Variants in COTL1 observed in about 807,000 individuals in gnomAD.
COTL1 encodes coactosin-like protein.
COTL1 carries 15 observed loss-of-function variants against 16.5 expected under a neutral mutation model. The ratio of observed to expected loss-of-function variants is 0.91; its 90% CI spans 0.61 to 1.40. The LOEUF (loss-of-function observed/expected upper bound fraction) is 1.40, where lower values mean the gene tolerates loss of function less well. COTL1 is among the 40% of genes most tolerant of loss of function. The pLI, the probability that COTL1 is intolerant of heterozygous loss-of-function variation, is 0.00. For missense variants in COTL1, 220 were observed against 201.5 expected (o/e 1.09, Z -0.56); for synonymous variants, 112 against 85.3 (o/e 1.31, Z -1.73).
In COTL1 at chr16:84,590,082, C is replaced by T; in HGVS notation, c.318+23G>A. ...GTGACCCTTGGCGAGCTTTGACCTC[C>T]AGACTCTGGAGGAACTCAGTACCTG... On this transcript the variant is annotated intron_variant, in intron 3 of 3. Transcript: ENST00000262428. The surrounding 1 kb of genome is among the most constrained non-coding windows in gnomAD (Gnocchi z 5.5). 6.3e-7 allele frequency: 1 copy of T among 1,597,006 alleles called. No homozygotes were observed. Among genetic ancestry groups the T allele is most frequent in the Non-Finnish European group, 8.6e-7 (1 of 1,166,842 alleles).
In COTL1 at chr16:84,590,121, A is replaced by G. The variant is rs747786641; in HGVS notation, c.302T>C (p.Val101Ala). The G allele has an allele frequency of 6.2e-7, 1 of 1,613,644 alleles. No individual in the cohort carries two copies. Among genetic ancestry groups the G allele is most frequent in the Admixed American group, 1.7e-5 (1 of 59,980 alleles). The change falls in exon 3 of 4, where the codon GTG becomes GCG. Residue 101 changes from valine to alanine, a missense_variant. Physicochemically the swap from Val to Ala is moderately conservative, Grantham distance 64. Coordinates refer to ENST00000262428, the MANE Select transcript of COTL1 (RefSeq NM_021149.5). This position sits in a 1 kb window ranked among gnomAD's most constrained non-coding sequence, Gnocchi z 5.5. Reference sequence around the variant, plus strand: ...ACTCAGTACCTGTACGACCTCCTTCACCAGGGTCTTGTCCGTCCCGGTTTT... The same window carrying G: ...ACTCAGTACCTGTACGACCTCCTTCGCCAGGGTCTTGTCCGTCCCGGTTTT... ...RAKTGTDKTL[V>A]KEVVQNFAKE...
At chr16:84,585,101 A>C (rs923659261) in intron 3 of COTL1, among the ~76,000 whole-genome samples, 2 of 152,224 alleles carry the variant, frequency 1.3e-5, no homozygotes, top group African/African-American at 2.4e-5. Flanking sequence ...AAGTCAACTC[A>C]TCCCATTCTT....
At chr16:84,596,403 T>C (rs1905006023) in intron 2 of COTL1, 1 of 152,220 alleles carries the variant, frequency 6.6e-6, no homozygotes, top group Admixed American at 6.5e-5. Context: ...GTCAAATACT[T>C]ACCTCATAAA....
chr16:84,578,237 T>C (rs1380737016), intron 3 of COTL1, among the ~76,000 whole-genome samples: 5 of 152,224 alleles, frequency 3.3e-5, no homozygotes, highest in Admixed American at 3.3e-4. Flanking sequence ...CAGCATTTCT[T>C]ATTCCTCAGC....
intron 2 of COTL1, among the ~76,000 whole-genome samples, chr16:84,593,515 C>CTTT (rs11421532): frequency 2.1e-5 from 3 of 139,620 alleles, no homozygotes; most frequent in Admixed American, 1.5e-4. Flanking sequence ...ATTTTAACCA[C>CTTT]TTTTTTTTTT....
Position 84,617,887 on chromosome 16 carries a change from A to G in COTL1, c.28T>C (p.Cys10Arg). 6.4e-7 allele frequency: 1 copy of G among 1,568,892 alleles called. No homozygotes were observed. The change falls in exon 1 of 4, where the codon TGC (cysteine) becomes CGC (arginine). Residue 10 changes from cysteine (C) to arginine (R), a missense_variant. By Grantham distance (180) the Cys-to-Arg change is radical (BLOSUM62 -3). Coordinates refer to ENST00000262428, the MANE Select transcript of COTL1 (RefSeq NM_021149.5). MATKIDKEACRAAYNLVRDD... is the reference protein window; with the variant it reads MATKIDKEARRAAYNLVRDD... ...CGCACCAGGTTGTACGCCGCCCGGC[A>G]AGCCTCTTTGTCGATCTTGGTGGCC...
intron 2 of COTL1, among the ~76,000 whole-genome samples, chr16:84,607,552 G>A (rs1905238598): frequency 6.6e-6 from 1 of 152,138 alleles, no homozygotes; most frequent in South Asian, 2.1e-4. Flanking sequence ...ACTAACACAC[G>A]CAGAGCTCCT....
intron 2 of COTL1, among the ~76,000 whole-genome samples, chr16:84,604,309 A>C (rs1279036602): frequency 1.0e-3 from 19 of 19,054 alleles, no homozygotes; most frequent in Non-Finnish European, 1.1e-3. Context: ...CTCACTCCCC[A>C]CCCACGCTCC....
chr16:84,611,449 T>C (rs1030102261), intron 2 of COTL1, among the ~76,000 whole-genome samples: 3 of 152,208 alleles, frequency 2.0e-5, no homozygotes, highest in Non-Finnish European at 2.9e-5. Flanking sequence ...CTCTAAAATA[T>C]CTATGATCCC....
chr16:84,570,261 C>T (rs979563073), intron 3 of COTL1, among the ~76,000 whole-genome samples: 1 of 152,068 alleles, frequency 6.6e-6, no homozygotes, highest in Non-Finnish European at 1.5e-5. Context: ...GGCAACAGAG[C>T]GAGATTCCAT....
intron 2 of COTL1, chr16:84,616,563 A>C (rs1321501484): frequency 6.6e-6 from 1 of 150,750 alleles, no homozygotes; most frequent in Admixed American, 6.6e-5. Flanking sequence ...CTCAGGGTCC[A>C]CGCCGTAACC....
intron 2 of COTL1, among the ~76,000 whole-genome samples, chr16:84,612,411 T>A (rs190275607): frequency 1.3e-5 from 2 of 152,156 alleles, no homozygotes. Flanking sequence ...AGGTGCCTAC[T>A]TTGTGCTGAG....
intron 2 of COTL1, chr16:84,595,112 A>G (rs987738030): frequency 6.6e-5 from 10 of 152,240 alleles, no homozygotes; most frequent in African/African-American, 1.9e-4. Context: ...GGCCTGGCAC[A>G]AGATAGATGT....
At chr16:84,607,385 A>C (rs1234090543) in intron 2 of COTL1, among the ~76,000 whole-genome samples, 1 of 152,102 alleles carries the variant, frequency 6.6e-6, no homozygotes, top group South Asian at 2.1e-4. Context: ...ACAGATCTGG[A>C]TTCAAAGTGC....
At chr16:84,580,155 G>A (rs1203891992) in intron 3 of COTL1, among the ~76,000 whole-genome samples, 4 of 152,346 alleles carry the variant, frequency 2.6e-5, no homozygotes, top group Admixed American at 2.0e-4. Flanking sequence ...AGCCCGCTGG[G>A]CAGAATTCTT....
intron 3 of COTL1, among the ~76,000 whole-genome samples, chr16:84,578,320 G>T (rs1373970325): frequency 6.6e-6 from 1 of 152,146 alleles, no homozygotes; most frequent in African/African-American, 2.4e-5. Context: ...CATACTCAAA[G>T]ATGTTCATTG....
rs1304380405 is a variant in COTL1 at position 84,617,937 on chromosome 16, A to C, written c.-23T>G. 6.5e-7 allele frequency: 1 copy of C among 1,543,410 alleles called. No individual in the cohort carries two copies. The highest frequency in any genetic ancestry group is 1.4e-5 in the African/African-American group (1 of 72,602). On this transcript the variant is annotated 5_prime_UTR_variant, in exon 1 of 4. Coordinates refer to ENST00000262428, the MANE Select transcript of COTL1 (RefSeq NM_021149.5). ...CATCGCCGCGGAGCCGCAGCGGGAC[A>C]CTGTCCGGGGCGGCCGAGCGCGCCC...
chr16:84,611,618 A>G (rs1042161852), intron 2 of COTL1, among the ~76,000 whole-genome samples: 2 of 152,186 alleles, frequency 1.3e-5, no homozygotes, highest in Non-Finnish European at 2.9e-5. Flanking sequence ...GTCGTGCCCC[A>G]CAGAGTAGCA....
At chr16:84,597,332 C>T (rs549527024) in intron 2 of COTL1, among the ~76,000 whole-genome samples, 3 of 152,316 alleles carry the variant, frequency 2.0e-5, no homozygotes, top group South Asian at 2.1e-4. Context: ...CAGCACAGAT[C>T]GCAGTCCCAT....
Sources: gnomAD v4.1 joint callset for allele counts (sites outside exome capture counted in the v4.1 genomes callset) on GRCh38, gnomAD v4.1.1 for gene constraint, Gnocchi (gnomAD v3.1) non-coding constraint, MANE v1.5 for transcripts, NCBI Gene and HGNC (gene_info 2026-07-23, HGNC 2026-07-21) for gene names.